Variants in NEK4 observed in about 807,000 individuals in gnomAD.
The protein encoded by NEK4 is NIMA related kinase 4, also known as serine/threonine-protein kinase Nek4.
NEK4 carries 86 observed loss-of-function variants against 98.4 expected under a neutral mutation model. The ratio of observed to expected loss-of-function variants is 0.87; its 90% CI spans 0.73 to 1.05. NEK4 has a LOEUF of 1.05. Among genes scored for constraint, NEK4 ranks in the 50% least tolerant of loss-of-function variants. NEK4 has a pLI of 0.00. For missense variants in NEK4, 898 were observed against 950.3 expected (o/e 0.94, Z 0.72); for synonymous variants, 328 against 342.2 (o/e 0.96, Z 0.46).
intron 15 of NEK4, 104 bp from the exon 16 acceptor site, chr3:52,711,973 C>G: frequency 1.6e-6 from 1 of 633,822 alleles, no homozygotes; most frequent in Non-Finnish European, 2.8e-6. Context: ...AAGGTGGAAA[C>G]CATACAGGAA....
In NEK4 at chr3:52,746,897, A is replaced by G; in HGVS notation, c.1514T>C (p.Val505Ala). The G allele has an allele frequency of 6.2e-7, 1 of 1,611,836 alleles. No homozygotes were observed. Among genetic ancestry groups the G allele is most frequent in the Non-Finnish European group, 8.5e-7 (1 of 1,178,144 alleles). Reference sequence around the variant, plus strand: ...TTTTTCTATAATACATTCACCAGCAACTTGATCCTTAAAAACAATAAAATG... The same window carrying G: ...TTTTTCTATAATACATTCACCAGCAGCTTGATCCTTAAAAACAATAAAATG... Reference protein sequence around the residue: ...TGVCHHAQDQVAGECIIEKQG... With the variant: ...TGVCHHAQDQAAGECIIEKQG... Residue 505 changes from valine (V) to alanine (A), a missense_variant, in exon 9 of 16, where the codon GTT becomes GCT. Coordinates refer to ENST00000233027, the MANE Select transcript of NEK4 (RefSeq NM_003157.6).
At chr3:52,746,986 G>A (rs2097397347) in intron 8 of NEK4, 82 bp from the exon 9 acceptor site, 1 of 1,137,054 alleles carries the variant, frequency 8.8e-7, no homozygotes, top group Admixed American at 2.4e-5. Context: ...CATAAAAAGT[G>A]GCTTTTGTTT....
chr3:52,739,647 A>C lies in NEK4; in HGVS notation c.2094-13T>G. 6.2e-7 allele frequency: 1 copy of C among 1,600,016 alleles called. No homozygotes were observed. Among genetic ancestry groups the C allele is most frequent in the East Asian group, 2.2e-5 (1 of 44,730 alleles). On this transcript the variant is annotated splice_polypyrimidine_tract_variant and intron_variant, in intron 13 of 15. Coordinates refer to ENST00000233027, the MANE Select transcript of NEK4 (RefSeq NM_003157.6). Reference sequence around the variant, plus strand: ...TGTCTGACCTTTCCTGGGGGAAAAAAATATCCCTTTGTTATTTAATTGGCT... The same window carrying C: ...TGTCTGACCTTTCCTGGGGGAAAAACATATCCCTTTGTTATTTAATTGGCT...
At chr3:52,766,895 A>G (rs1439454046) in intron 2 of NEK4, among the ~76,000 whole-genome samples, 1 of 152,138 alleles carries the variant, frequency 6.6e-6, no homozygotes, top group Admixed American at 6.5e-5. Context: ...CTGAGGCAGG[A>G]GAATGGCGTG....
chr3:52,730,345 T>C (rs924371037), intron 15 of NEK4, among the ~76,000 whole-genome samples: 2 of 152,160 alleles, frequency 1.3e-5, no homozygotes, highest in Non-Finnish European at 2.9e-5. Flanking sequence ...TGCTGGTGAT[T>C]CTACCACACT....
chr3:52,717,339 A>C (rs1269923519), intron 15 of NEK4, among the ~76,000 whole-genome samples: 2 of 151,160 alleles, frequency 1.3e-5, no homozygotes, highest in Non-Finnish European at 2.9e-5. Flanking sequence ...TCCAGCAGGC[A>C]GAGGTTGCAG....
At chr3:52,724,238 C>CACACACACAT (rs1345895532) in intron 15 of NEK4, among the ~76,000 whole-genome samples, 1 of 134,612 alleles carries the variant, frequency 7.4e-6, no homozygotes, top group African/African-American at 2.5e-5. Context: ...TTAAAACACA[C>CACACACACAT]ACACACACAC....
intron 15 of NEK4, among the ~76,000 whole-genome samples, chr3:52,728,518 C>T (rs965078641): frequency 1.3e-5 from 2 of 152,194 alleles, no homozygotes; most frequent in South Asian, 2.1e-4. Context: ...TGAGGATGTA[C>T]GTCACCTCAG....
intron 15 of NEK4, among the ~76,000 whole-genome samples, chr3:52,730,394 CAG>C (rs2097368457): frequency 6.6e-6 from 1 of 152,170 alleles, no homozygotes; most frequent in Non-Finnish European, 1.5e-5. Flanking sequence ...CAAACTTTTC[CAG>C]AGAGTTGAGG....
In NEK4 at chr3:52,710,315, A is replaced by G. The variant is rs1204182235; in HGVS notation, c.*1462T>C. The G allele has an allele frequency of 3.3e-5, 5 of 151,420 alleles. No homozygotes were observed. Among genetic ancestry groups the G allele is most frequent in the Non-Finnish European group, 7.4e-5 (5 of 67,970 alleles). The allele number at this position is 151,420 out of a possible 1,614,324, so 9.4% of individuals were successfully genotyped here. A position where few individuals can be genotyped will look rare whatever the true frequency, so the allele number is the denominator to read the frequency against. ...GGGAGGCGGAGCTTGCAGTGATCTG[A>G]GATTGGGCCACTGCACTTCAGCCTG... On this transcript the variant is annotated 3_prime_UTR_variant, in exon 16 of 16. Transcript: ENST00000233027.
chr3:52,724,307 C>A (rs1285664282), intron 15 of NEK4, among the ~76,000 whole-genome samples: 2 of 150,406 alleles, frequency 1.3e-5, no homozygotes, highest in Non-Finnish European at 1.5e-5. Context: ...CTGAAAACAG[C>A]ATGAGAGAAG....
intron 6 of NEK4, 54 bp downstream of exon 6, chr3:52,760,741 C>T (rs1356062396): frequency 1.6e-6 from 2 of 1,261,712 alleles, no homozygotes; most frequent in Admixed American, 2.1e-5. Flanking sequence ...GCTTAGATGG[C>T]CCATTTTTCT....
At chr3:52,739,398 A>G in intron 14 of NEK4, 31 bp downstream of exon 14, 1 of 1,597,120 alleles carries the variant, frequency 6.3e-7, no homozygotes, top group Non-Finnish European at 8.6e-7. Flanking sequence ...GACTCCGTCT[A>G]AAAAACAAAA....
intron 6 of NEK4, chr3:52,754,760 T>C (rs565019413): frequency 1.3e-4 from 50 of 399,360 alleles, no homozygotes; most frequent in African/African-American, 9.6e-4. Context: ...AGCTGACCAA[T>C]GGCAATGGAC....
At chr3:52,732,000 G>T (rs1010136768) in intron 15 of NEK4, among the ~76,000 whole-genome samples, 5 of 152,192 alleles carry the variant, frequency 3.3e-5, no homozygotes, top group Admixed American at 1.3e-4. Flanking sequence ...CACGTAAGAC[G>T]TGTCTTGCTT....
At chr3:52,753,500 G>C (rs532379655) in intron 6 of NEK4, 18 of 432,332 alleles carry the variant, frequency 4.2e-5, no homozygotes, top group South Asian at 3.3e-4. Flanking sequence ...ACATACTACT[G>C]AATTTCTTTG....
At chr3:52,713,072 T>TCC (rs1337680479) in intron 15 of NEK4, among the ~76,000 whole-genome samples, 1 of 152,018 alleles carries the variant, frequency 6.6e-6, no homozygotes, top group Non-Finnish European at 1.5e-5. Flanking sequence ...TACTTCCCTG[T>TCC]CCCCCTTCCA....
chr3:52,751,283 G>T (rs978688995), intron 7 of NEK4, among the ~76,000 whole-genome samples: 6 of 151,956 alleles, frequency 3.9e-5, no homozygotes, highest in Non-Finnish European at 8.8e-5. Context: ...GTGAAACCTC[G>T]TCTCTACTAA....
chr3:52,746,154 A>G lies in NEK4; in HGVS notation c.1734T>C (p.Asp578=). The G allele has an allele frequency of 6.2e-7, 1 of 1,614,090 alleles. No individual in the cohort carries two copies. Among genetic ancestry groups the G allele is most frequent in the South Asian group, 1.1e-5 (1 of 91,078 alleles). The part of the protein sequence containing the change: ...LPSHPIVGKV[D]VTSTQKEAEN... ...CAGCCTCTTTTTGTGTTGATGTGAC[A>G]TCCACTTTCCCAACAATGGGATGAG... Residue 578 remains aspartate, a synonymous_variant, in exon 10 of 16, where the codon GAT becomes GAC. Coordinates refer to ENST00000233027, the MANE Select transcript of NEK4 (RefSeq NM_003157.6).
Sources: allele counts gnomAD v4.1 joint callset (sites outside exome capture counted in the v4.1 genomes callset), GRCh38; gene constraint gnomAD v4.1.1; transcripts MANE v1.5; gene names NCBI Gene and HGNC (gene_info 2026-07-23, HGNC 2026-07-21).